The following MGAT4C variants were observed in gnomAD, a reference collection of about 807,000 sequenced individuals.
MGAT4C encodes MGAT4 family member C, also known as alpha-1,3-mannosyl-glycoprotein 4-beta-N-acetylglucosaminyltransferase C.
A neutral mutation model predicts 40.1 loss-of-function variants in MGAT4C; 19 were observed. The ratio of observed to expected loss-of-function variants is 0.47; its 90% CI spans 0.33 to 0.70. The LOEUF (loss-of-function observed/expected upper bound fraction) is 0.70. Ranked by LOEUF, MGAT4C falls within the 30% of genes least tolerant of loss-of-function variation. The probability of loss-of-function intolerance (pLI) is 0.02; values close to 1 mark genes in which losing one functional copy is unlikely to be tolerated. For synonymous variants in MGAT4C, 181 were observed against 187.1 expected, an observed-to-expected ratio of 0.97 and a Z score of 0.27; for missense variants, 491 against 563.2, an observed-to-expected ratio of 0.87 and a Z score of 1.30.
intron 2 of MGAT4C, among the ~76,000 whole-genome samples, chr12:86,042,751 C>T (rs534327830): frequency 2.0e-5 from 3 of 151,416 alleles, no homozygotes; most frequent in Non-Finnish European, 4.4e-5. Context: ...ACCTGTAGTC[C>T]CAGCTACTCG....
chr12:86,196,533 C>A (rs938272931), intron 1 of MGAT4C, among the ~76,000 whole-genome samples: 3 of 152,208 alleles, frequency 2.0e-5, no homozygotes, highest in African/African-American at 7.2e-5. Flanking sequence ...AGCAACTGTG[C>A]TGCTCTCTGA....
chr12:86,569,610 A>G (rs1243475840), intron 2 of MGAT4C, among the ~76,000 whole-genome samples: 2 of 152,096 alleles, frequency 1.3e-5, no homozygotes, highest in Non-Finnish European at 2.9e-5. Context: ...TATCACAGCC[A>G]TTACGGAAAA....
chr12:86,224,786 G>A (rs1023374783), intron 1 of MGAT4C, among the ~76,000 whole-genome samples: 1 of 152,068 alleles, frequency 6.6e-6, no homozygotes, highest in Non-Finnish European at 1.5e-5. Flanking sequence ...ATACAACAAA[G>A]GCAGTGTTAA....
At chr12:86,074,428 C>T (rs1413199821) in intron 1 of MGAT4C, among the ~76,000 whole-genome samples, 1 of 152,070 alleles carries the variant, frequency 6.6e-6, no homozygotes, top group Non-Finnish European at 1.5e-5. Context: ...ATCTCCATTA[C>T]TGAATAGTAT....
At chr12:86,138,416 A>G (rs1056633897) in intron 1 of MGAT4C, among the ~76,000 whole-genome samples, 2 of 150,146 alleles carry the variant, frequency 1.3e-5, no homozygotes, top group Non-Finnish European at 3.0e-5. Context: ...AACTCAATGT[A>G]TCTCAATGAT....
At chr12:86,749,147 A>G (rs1951197058) in intron 1 of MGAT4C, among the ~76,000 whole-genome samples, 1 of 151,704 alleles carries the variant, frequency 6.6e-6, no homozygotes, top group Non-Finnish European at 1.5e-5. Context: ...TGTTAAGAGT[A>G]ATCAGACATA....
chr12:86,283,401 T>TTA (rs1208676787), intron 4 of MGAT4C, among the ~76,000 whole-genome samples: 1 of 151,944 alleles, frequency 6.6e-6, no homozygotes, highest in African/African-American at 2.4e-5. Context: ...TCAAGTTATA[T>TTA]TATATATAAA....
At chr12:86,810,367 T>C (rs1360172626) in intron 1 of MGAT4C, among the ~76,000 whole-genome samples, 2 of 151,976 alleles carry the variant, frequency 1.3e-5, no homozygotes, top group African/African-American at 4.8e-5. Flanking sequence ...TTCAATACTA[T>C]GTTGAATAAG....
chr12:86,528,666 T>C (rs913109247), intron 2 of MGAT4C, among the ~76,000 whole-genome samples: 2 of 152,074 alleles, frequency 1.3e-5, no homozygotes, highest in South Asian at 4.1e-4. Context: ...TGTGAAAATT[T>C]TGTGTTTCTG....
chr12:86,723,022 T>C (rs1950761365), intron 2 of MGAT4C, among the ~76,000 whole-genome samples: 1 of 152,342 alleles, frequency 6.6e-6, no homozygotes, highest in East Asian at 1.9e-4. Context: ...ATATGTGCAA[T>C]ACTGGCATTG....
At chr12:86,076,511 T>G (rs1433270051) in intron 1 of MGAT4C, among the ~76,000 whole-genome samples, 2 of 152,220 alleles carry the variant, frequency 1.3e-5, no homozygotes, top group Non-Finnish European at 2.9e-5. Context: ...TTAGTTTGTT[T>G]CATGCTGCTG....
intron 3 of MGAT4C, among the ~76,000 whole-genome samples, chr12:86,429,749 G>A (rs535381890): frequency 6.6e-6 from 1 of 151,992 alleles, no homozygotes; most frequent in Non-Finnish European, 1.5e-5. Context: ...TATATGACTT[G>A]TTGTGCTTCT....
At position 85,976,701 on chromosome 12, in the gene MGAT4C, A is replaced by G. The variant is rs1040786683; in HGVS notation, c.*2588T>C. ...ATATGTATATATGTATTATATATGT[A>G]TATATATATAAACTTACAGCAAAAA... On this transcript the variant is annotated 3_prime_UTR_variant, in exon 5 of 5. Transcript: ENST00000611864. The G allele has an allele frequency of 6.8e-6, 1 of 146,810 alleles. No individual in the cohort carries two copies. The highest frequency in any genetic ancestry group is 1.5e-5 in the Non-Finnish European group (1 of 66,324). 9.1% of individuals were successfully genotyped at this position (146,810 alleles called of 1,614,324 possible).
At chr12:86,816,877 CTG>C (rs1161371941) in intron 1 of MGAT4C, among the ~76,000 whole-genome samples, 2 of 151,164 alleles carry the variant, frequency 1.3e-5, no homozygotes, top group African/African-American at 4.8e-5. Flanking sequence ...TTGTTTCTCA[CTG>C]TTATTATTAT....
At chr12:86,477,580 C>A (rs146214479) in intron 2 of MGAT4C, among the ~76,000 whole-genome samples, 105 of 151,988 alleles carry the variant, frequency 6.9e-4, no homozygotes, top group Non-Finnish European at 1.3e-3. Context: ...AAAAAAATGT[C>A]CTTTTTCTCT....
intron 1 of MGAT4C, among the ~76,000 whole-genome samples, chr12:86,216,260 T>C (rs1237795512): frequency 3.9e-5 from 6 of 152,156 alleles, no homozygotes; most frequent in African/African-American, 9.7e-5. Context: ...TTAGAAAAGA[T>C]AGAATCAGAA....
intron 1 of MGAT4C, among the ~76,000 whole-genome samples, chr12:86,153,193 A>G (rs1223083516): frequency 6.6e-6 from 1 of 152,168 alleles, no homozygotes; most frequent in African/African-American, 2.4e-5. Context: ...ACAGCTGTAA[A>G]CCCAACAAGT....
intron 1 of MGAT4C, among the ~76,000 whole-genome samples, chr12:86,086,088 C>G (rs1289094382): frequency 1.3e-5 from 2 of 152,050 alleles, no homozygotes; most frequent in Admixed American, 1.3e-4. Flanking sequence ...GACGCATGTA[C>G]AAGTATGTTT....
intron 1 of MGAT4C, among the ~76,000 whole-genome samples, chr12:86,815,730 C>T (rs1359229271): frequency 6.6e-6 from 1 of 151,380 alleles, no homozygotes; most frequent in South Asian, 2.1e-4. Context: ...GGATTGGAGA[C>T]TATTACTCTA....
Sources: gnomAD v4.1 joint callset for allele counts (sites outside exome capture counted in the v4.1 genomes callset) on GRCh38, gnomAD v4.1.1 for gene constraint, MANE v1.5 for transcripts, NCBI Gene and HGNC (gene_info 2026-07-23, HGNC 2026-07-21) for gene names.